Variants in DLGAP4 observed in about 807,000 individuals in gnomAD.
DLGAP4 encodes the protein disks large-associated protein 4.
A neutral mutation model predicts 86.9 loss-of-function variants in DLGAP4; 18 were observed. The ratio of observed to expected loss-of-function variants is 0.21; its 90% CI spans 0.14 to 0.31. The LOEUF is 0.31. DLGAP4 is among the 10% of genes least tolerant of loss of function. DLGAP4 has a pLI of 1.00. For synonymous variants in DLGAP4, 548 were observed against 574.3 expected, an observed-to-expected ratio of 0.95 and a Z score of 0.65; for missense variants, 1,085 against 1,362.6, an observed-to-expected ratio of 0.80 and a Z score of 3.21.
At position 36,494,035 on chromosome 20, in the gene DLGAP4, C is replaced by T. The variant is rs549739863; in HGVS notation, c.1649-2670C>T. Among the ~76,000 whole-genome samples, 15 of 152,342 alleles carry T rather than the reference C, an allele frequency of 9.8e-5. No individual in the cohort carries two copies. In the East Asian group the frequency reaches 2.9e-3, roughly 29 times the overall value. ...TTTTGACCTGAGCCCTGCCTCCTGCCTCCCTGCTGCCTTTCTTCTGGCCCA... is the reference window on the plus strand; with the variant it reads ...TTTTGACCTGAGCCCTGCCTCCTGCTTCCCTGCTGCCTTTCTTCTGGCCCA... On this transcript the variant is annotated intron_variant, in intron 7 of 12. Coordinates refer to ENST00000339266, the MANE Select transcript of DLGAP4 (RefSeq NM_001365621.2).
chr20:36,326,539 A>G (rs1326290714), intron 1 of DLGAP4, among the ~76,000 whole-genome samples: 10 of 152,198 alleles, frequency 6.6e-5, no homozygotes, highest in Admixed American at 5.9e-4. Flanking sequence ...TGACTTTTAT[A>G]TGTGTAATAA....
intron 7 of DLGAP4, among the ~76,000 whole-genome samples, chr20:36,447,670 C>T (rs2033627991): frequency 6.6e-6 from 1 of 152,096 alleles, no homozygotes; most frequent in Admixed American, 6.6e-5. Flanking sequence ...ATCTGCTCAT[C>T]GTGGCCTCCC....
intron 2 of DLGAP4, among the ~76,000 whole-genome samples, chr20:36,395,158 C>T (rs1222295509): frequency 2.0e-5 from 3 of 152,202 alleles, no homozygotes; most frequent in Admixed American, 1.3e-4. Context: ...AAGACCCACC[C>T]GTCACTTCTG....
At position 36,524,301 on chromosome 20, in the gene DLGAP4, A is replaced by G. The variant is rs774831135; in HGVS notation, c.2564A>G (p.Gln855Arg). 1 of 1,614,082 alleles carries G rather than the reference A, an allele frequency of 6.2e-7. No homozygotes were observed. The highest frequency in any genetic ancestry group is 8.5e-7 in the Non-Finnish European group (1 of 1,180,002). ...AVGSAQLLMSQKFQQFRGLCE... is the reference protein window; with the variant it reads ...AVGSAQLLMSRKFQQFRGLCE... Reference sequence around the variant, plus strand: ...GGCAGTGCCCAGCTACTGATGTCCCAGAAATTCCAGCAGTTCCGGGGCCTC... The same window carrying G: ...GGCAGTGCCCAGCTACTGATGTCCCGGAAATTCCAGCAGTTCCGGGGCCTC... The change falls in exon 11 of 13, where the codon CAG becomes CGG. Residue 855 changes from glutamine (Q) to arginine (R), a missense_variant. Coordinates refer to ENST00000339266, the MANE Select transcript of DLGAP4 (RefSeq NM_001365621.2).
At chr20:36,481,166 G>T (rs1486782113) in intron 7 of DLGAP4, among the ~76,000 whole-genome samples, 1 of 152,166 alleles carries the variant, frequency 6.6e-6, no homozygotes, top group African/African-American at 2.4e-5. Flanking sequence ...CATCCATCCT[G>T]CCTGTGTCTA....
At chr20:36,526,607 G>A (rs528818477) in intron 12 of DLGAP4, among the ~76,000 whole-genome samples, 1 of 152,140 alleles carries the variant, frequency 6.6e-6, no homozygotes, top group East Asian at 1.9e-4. Flanking sequence ...CGGAGTCTAG[G>A]CTTGCTTTCT....
At chr20:36,524,226 CT>C in intron 10 of DLGAP4, 23 bp from the exon 11 acceptor site, 1 of 1,604,628 alleles carries the variant, frequency 6.2e-7, no homozygotes, top group Non-Finnish European at 8.5e-7. Context: ...CTAAATCAGT[CT>C]TTTTCCACCC....
At chr20:36,511,853 C>T (rs747818516) in intron 10 of DLGAP4, among the ~76,000 whole-genome samples, 23 of 139,920 alleles carry the variant, frequency 1.6e-4, no homozygotes, top group Admixed American at 1.1e-3. Context: ...CCAGCCTGGG[C>T]GACAGAGGGA....
chr20:36,346,915 A>G (rs1359313767), intron 1 of DLGAP4, among the ~76,000 whole-genome samples: 1 of 152,178 alleles, frequency 6.6e-6, no homozygotes, highest in African/African-American at 2.4e-5. Flanking sequence ...AGGGGCCTTC[A>G]GTACCTCGGC....
Position 36,527,249 on chromosome 20 carries a change from A to G in DLGAP4, c.*218A>G. The G allele has an allele frequency of 2.1e-6, 1 of 467,690 alleles. No individual in the cohort carries two copies. The highest frequency in any genetic ancestry group is 3.4e-5 in the East Asian group (1 of 29,492). 29.0% of individuals were successfully genotyped at this position (467,690 alleles called of 1,614,324 possible). On this transcript the variant is annotated 3_prime_UTR_variant, in exon 13 of 13. Transcript: ENST00000339266. ...TTACTCACAAAAAAAATCAACAAAA[A>G]TCACGAAACTAGAAAACTTTTTTTT...
intron 2 of DLGAP4, among the ~76,000 whole-genome samples, chr20:36,372,837 T>C (rs1316952493): frequency 3.9e-5 from 6 of 152,194 alleles, no homozygotes; most frequent in Admixed American, 3.9e-4. Flanking sequence ...GCTGTAAATC[T>C]CTATTTGTTG....
intron 2 of DLGAP4, among the ~76,000 whole-genome samples, chr20:36,415,734 G>T (rs2032634581): frequency 6.6e-6 from 1 of 152,088 alleles, no homozygotes. Flanking sequence ...CAGCCTCCAC[G>T]CCATACACAC....
intron 1 of DLGAP4, among the ~76,000 whole-genome samples, chr20:36,328,913 C>G (rs1315626881): frequency 1.3e-5 from 2 of 152,090 alleles, no homozygotes. Context: ...GTAGCTGCGA[C>G]TACAGGCATG....
intron 10 of DLGAP4, chr20:36,507,767 G>A (rs1409688328): frequency 6.6e-6 from 1 of 152,238 alleles, no homozygotes; most frequent in Non-Finnish European, 1.5e-5. Context: ...CAGAAAGAGC[G>A]TGGCAGGAAC....
At chr20:36,476,418 C>T (rs1238278320) in intron 7 of DLGAP4, among the ~76,000 whole-genome samples, 1 of 149,096 alleles carries the variant, frequency 6.7e-6, no homozygotes, top group East Asian at 2.0e-4. Context: ...ACCTCCACCT[C>T]CCAGGTTCAA....
chr20:36,441,404 C>A (rs1473786550), intron 5 of DLGAP4, among the ~76,000 whole-genome samples: 4 of 152,238 alleles, frequency 2.6e-5, no homozygotes, highest in African/African-American at 9.6e-5. Context: ...TCGAATGTCA[C>A]TTCCTCAGAG....
At chr20:36,501,244 T>C (rs1294804313) in intron 10 of DLGAP4, among the ~76,000 whole-genome samples, 1 of 152,058 alleles carries the variant, frequency 6.6e-6, no homozygotes, top group African/African-American at 2.4e-5. Context: ...TTTTGTATTT[T>C]TAGTAGAGAC....
intron 2 of DLGAP4, among the ~76,000 whole-genome samples, chr20:36,423,094 G>A (rs2032872754): frequency 6.6e-6 from 1 of 152,178 alleles, no homozygotes; most frequent in Admixed American, 6.5e-5. Context: ...CCATTGCCTA[G>A]AGGAGGAAAC....
chr20:36,406,134 C>A (rs2147492367), intron 2 of DLGAP4, among the ~76,000 whole-genome samples: 1 of 152,272 alleles, frequency 6.6e-6, no homozygotes, highest in African/African-American at 2.4e-5. Flanking sequence ...CGCGGTGGCT[C>A]ACGCCTGTAA....
Sources: allele counts gnomAD v4.1 joint callset (sites outside exome capture counted in the v4.1 genomes callset), GRCh38; gene constraint gnomAD v4.1.1; transcripts MANE v1.5; gene names NCBI Gene and HGNC (gene_info 2026-07-23, HGNC 2026-07-21).